Variants in BMP1 observed in about 807,000 individuals in gnomAD.
BMP1 encodes bone morphogenetic protein 1.
A neutral mutation model predicts 116.8 loss-of-function variants in BMP1; 63 were observed. The ratio of observed to expected loss-of-function variants is 0.54; its 90% confidence interval spans 0.44 to 0.67. The LOEUF is 0.67. Among genes scored for constraint, BMP1 ranks in the 30% least tolerant of loss-of-function variants. The pLI is 0.00. For synonymous variants in BMP1, 536 were observed against 533.4 expected (o/e 1.00, Z -0.07); for missense variants, 1,183 against 1,358.9 (o/e 0.87, Z 2.04).
In BMP1 at chr8:22,175,999, A is replaced by T. The variant is rs1828418858; in HGVS notation, c.263-144A>T. The T allele has an allele frequency of 6.0e-6, 5 of 829,290 alleles. No individual in the cohort carries two copies. The South Asian group carries it at 9.0e-5, about 15-fold the overall frequency. The allele number at this position is 829,290 out of a possible 1,614,324, so 51.4% of individuals were successfully genotyped here. ...CACAAATGACCGTGAAAGCCCTGAG[A>T]GTATTGATTTTGGGGACTACGAATA... is the stretch of plus-strand genomic sequence containing the variant. On this transcript the variant is annotated intron_variant, in intron 2 of 19. Transcript: ENST00000306385.
At chr8:22,183,672 T>A (rs1828687609) in intron 8 of BMP1, among the ~76,000 whole-genome samples, 1 of 151,950 alleles carries the variant, frequency 6.6e-6, no homozygotes, top group Non-Finnish European at 1.5e-5. Context: ...AATGGCACGA[T>A]CTCAGCTCAC....
chr8:22,210,465 C>CACACACA (rs1829443888), intron 19 of BMP1, among the ~76,000 whole-genome samples: 2 of 135,758 alleles, frequency 1.5e-5, no homozygotes, highest in African/African-American at 3.2e-5. Flanking sequence ...CTCTCTCTCT[C>CACACACA]TCTCACACAC....
Position 22,179,553 on chromosome 8 carries a change from A to G in BMP1, c.837-152A>G. On this transcript the variant is annotated intron_variant, in intron 6 of 19. Coordinates refer to ENST00000306385, the MANE Select transcript of BMP1 (RefSeq NM_006129.5). The surrounding 1 kb of genome is among the most constrained non-coding windows in gnomAD (Gnocchi z 4.6). ...CTGCTGGTCAGTGGGTAGCATAATG[A>G]CAGGGTGAGACGACTCCACCCGGCC... The G allele has an allele frequency of 7.5e-7, 1 of 1,335,918 alleles. No homozygotes were observed. The highest frequency in any genetic ancestry group is 1.0e-6 in the Non-Finnish European group (1 of 988,792). 82.8% of individuals were successfully genotyped at this position (1,335,918 alleles called of 1,614,324 possible).
Position 22,165,573 on chromosome 8 carries a change from C to CCGG in BMP1, c.148+23_148+25dup. 6.4e-7 allele frequency: 1 copy of CCGG among 1,568,928 alleles called. No individual in the cohort carries two copies. The highest frequency in any genetic ancestry group is 8.6e-7 in the Non-Finnish European group (1 of 1,161,784). The stretch of plus-strand genomic sequence containing the variant: ...AGGCGGGTGAGCGCCCCCCGGCCCC[C>CCGG]CGGCGACGGGCCAGGCGGGGAGGCG... On this transcript the variant is annotated intron_variant, in intron 1 of 19. Transcript: ENST00000306385.
intron 1 of BMP1, among the ~76,000 whole-genome samples, chr8:22,167,571 A>C (rs569884058): frequency 6.6e-6 from 1 of 152,306 alleles, no homozygotes; most frequent in South Asian, 2.1e-4. Context: ...TTTTCAGAGC[A>C]GCAAGAGGCT....
chr8:22,192,372 A>G, intron 9 of BMP1: 1 of 476,128 alleles, frequency 2.1e-6, no homozygotes, highest in Middle Eastern at 6.0e-4. Context: ...CAGAGTACCC[A>G]GTCCAGACTT....
chr8:22,195,399 C>A, intron 12 of BMP1, 63 bp from the exon 13 acceptor site: 2 of 1,549,238 alleles, frequency 1.3e-6, no homozygotes, highest in Non-Finnish European at 8.7e-7. Context: ...ACAAGTGAGG[C>A]TCACAGCCAG....
chr8:22,186,966 A>G (rs1018348587), intron 8 of BMP1, among the ~76,000 whole-genome samples: 4 of 152,138 alleles, frequency 2.6e-5, no homozygotes, highest in African/African-American at 9.7e-5. Context: ...AACTGCTGCT[A>G]TCTTTCCTAT....
chr8:22,199,319 G>A lies in BMP1; in HGVS notation c.2107+1899G>A. The A allele has an allele frequency of 2.2e-6, 3 of 1,357,752 alleles. No homozygotes were observed. In the South Asian group the frequency reaches 3.5e-5, roughly 16 times the overall value. 84.1% of individuals were successfully genotyped at this position (1,357,752 alleles called of 1,614,324 possible). A position where few individuals can be genotyped will look rare whatever the true frequency, so the allele number is the denominator to read the frequency against. ...CACCGAGGAGACCCTAAGCCAAGAA[G>A]GAGAAGAAAGAGCCTGAAGACCTTC... On this transcript the variant is annotated intron_variant, in intron 15 of 19. Transcript: ENST00000306385.
intron 8 of BMP1, among the ~76,000 whole-genome samples, chr8:22,185,886 A>G (rs112394516): frequency 1.2e-3 from 154 of 124,100 alleles, no homozygotes; most frequent in African/African-American, 3.8e-3. Context: ...CCCAGGCTGG[A>G]GTGCAATGAC....
At chr8:22,192,023 A>G (rs1166810926) in intron 8 of BMP1, 26 bp from the exon 9 acceptor site, 1 of 1,587,198 alleles carries the variant, frequency 6.3e-7, no homozygotes, top group Non-Finnish European at 8.6e-7. Flanking sequence ...GGACAGCTTA[A>G]CCCTCTTCCT....
chr8:22,203,296 C>T (rs1172509402), intron 16 of BMP1, among the ~76,000 whole-genome samples: 1 of 152,198 alleles, frequency 6.6e-6, no homozygotes, highest in Non-Finnish European at 1.5e-5. Context: ...TGGCTCACGC[C>T]TGTAATCCCA....
At position 22,212,044 on chromosome 8, in the gene BMP1, TC is replaced by T. The variant is rs1460295662; in HGVS notation, c.*319del. ...GAATGTCAGCAGGACCCCATCGCCA[TC>T]CCTGTGTCTCTACACGCTGTATTGT... is the stretch of plus-strand genomic sequence containing the variant. On this transcript the variant is annotated 3_prime_UTR_variant, in exon 20 of 20. Transcript: ENST00000306385. 4.9e-6 allele frequency: 2 copies of T among 406,800 alleles called. No individual in the cohort carries two copies. The highest frequency in any genetic ancestry group is 9.2e-6 in the Non-Finnish European group (2 of 217,958). 25.2% of individuals were successfully genotyped at this position (406,800 alleles called of 1,614,324 possible).
At chr8:22,195,723 C>A in intron 13 of BMP1, 136 bp downstream of exon 13, 1 of 1,236,402 alleles carries the variant, frequency 8.1e-7, no homozygotes, top group Non-Finnish European at 1.1e-6. Flanking sequence ...CTTAGCTCAC[C>A]ATAGCCTCCC....
intron 8 of BMP1, among the ~76,000 whole-genome samples, chr8:22,189,191 TC>T (rs1274508275): frequency 3.3e-5 from 5 of 152,116 alleles, no homozygotes; most frequent in Non-Finnish European, 7.3e-5. Context: ...TCCAGACCCT[TC>T]TAGGTATATA....
At position 22,203,409 on chromosome 8, in the gene BMP1, T is replaced by C. The variant is rs1829298965; in HGVS notation, c.2233+1481T>C. 2.0e-5 allele frequency among the ~76,000 whole-genome samples: 3 copies of C among 152,054 alleles called. No individual in the cohort carries two copies. The South Asian group carries it at 6.2e-4, about 32-fold the overall frequency. On this transcript the variant is annotated intron_variant, in intron 16 of 19. Coordinates refer to ENST00000306385, the MANE Select transcript of BMP1 (RefSeq NM_006129.5). ...CGTCTCTACTAGAAATACAAAAAAT[T>C]AGCCAGGCGTGGTGGGACGCACCTG...
Position 22,209,637 on chromosome 8 carries a change from A to G in BMP1, c.2768A>G (p.Glu923Gly). ...EETDCGYDYMELFDGYDSTAP... is the reference protein window; with the variant it reads ...EETDCGYDYMGLFDGYDSTAP... ...ACCGACTGCGGCTATGACTACATGG[A>G]GCTCTTCGACGGCTACGACAGCACA... Residue 923 changes from glutamate (E) to glycine (G), a missense_variant, in exon 19 of 20, where the codon GAG becomes GGG. Physicochemically the swap from Glu to Gly is moderately conservative, Grantham distance 98. This residue lies in a region of BMP1 where 956 missense variants were observed against 1,135.2 expected (regional missense o/e 0.84). Coordinates refer to ENST00000306385, the MANE Select transcript of BMP1 (RefSeq NM_006129.5). The G allele has an allele frequency of 3.1e-6, 5 of 1,613,870 alleles. No homozygotes were observed. The highest frequency in any genetic ancestry group is 4.2e-6 in the Non-Finnish European group (5 of 1,179,936).
chr8:22,208,236 G>C (rs1829401328), intron 18 of BMP1, among the ~76,000 whole-genome samples: 1 of 152,220 alleles, frequency 6.6e-6, no homozygotes, highest in Non-Finnish European at 1.5e-5. Context: ...CATCCTAAAT[G>C]CAGGTCCCAG....
At chr8:22,169,847 T>TG (rs1828225970) in intron 1 of BMP1, 3 of 152,174 alleles carry the variant, frequency 2.0e-5, no homozygotes, top group African/African-American at 7.2e-5. Context: ...AGCACACAGA[T>TG]GGGCTCAGCC....
Sources: allele counts gnomAD v4.1 joint callset (sites outside exome capture counted in the v4.1 genomes callset), GRCh38; gene constraint gnomAD v4.1.1; regional missense constraint gnomAD v4.1.1; non-coding constraint Gnocchi (gnomAD v3.1); transcripts MANE v1.5; gene names NCBI Gene and HGNC (gene_info 2026-07-23, HGNC 2026-07-21).